FBXO24: variants seen among roughly 807,000 people sequenced by gnomAD.
The protein encoded by FBXO24 is F-box only protein 24.
FBXO24 carries 30 observed loss-of-function variants against 63.5 expected under a neutral mutation model. The ratio of observed to expected loss-of-function variants is 0.47; its 90% CI spans 0.35 to 0.64. FBXO24 has a LOEUF of 0.64. FBXO24 is among the 30% of genes least tolerant of loss of function. FBXO24 has a pLI of 0.00. For missense variants in FBXO24, 624 were observed against 763.4 expected (o/e 0.82, Z 2.15); for synonymous variants, 300 against 305.0 (o/e 0.98, Z 0.17).
chr7:100,589,801 G>A (rs1801913901), intron 1 of FBXO24, 176 bp from the exon 2 acceptor site: 1 of 1,520,898 alleles, frequency 6.6e-7, no homozygotes. Context: ...CGGGTGAGGG[G>A]GATTGGCCGC....
At chr7:100,592,584 T>G (rs1456935082) in intron 4 of FBXO24, among the ~76,000 whole-genome samples, 199 bp from the exon 5 acceptor site, 1 of 152,094 alleles carries the variant, frequency 6.6e-6, no homozygotes, top group East Asian at 1.9e-4. Flanking sequence ...TCACCACCTC[T>G]CTTTTGAGGA....
chr7:100,586,331 G>A lies in FBXO24; in HGVS notation c.-295G>A. 1.5e-6 allele frequency: 1 copy of A among 680,084 alleles called. No individual in the cohort carries two copies. The allele number at this position is 680,084 out of a possible 1,614,324, so 42.1% of individuals were successfully genotyped here. A position where few individuals can be genotyped will look rare whatever the true frequency, so the allele number is the denominator to read the frequency against. Reference sequence around the variant, plus strand: ...GAGAAGGGAGGGGAACAAGGATAGAGCGCTCGCCAACGGCCGACGCTCCAG... The same window carrying A: ...GAGAAGGGAGGGGAACAAGGATAGAACGCTCGCCAACGGCCGACGCTCCAG... On this transcript the variant is annotated 5_prime_UTR_variant, in exon 1 of 10. Transcript: ENST00000241071.
At position 100,590,259 on chromosome 7, in the gene FBXO24, G is replaced by C. The variant is rs750340000; in HGVS notation, c.224G>C (p.Gly75Ala). The C allele has an allele frequency of 6.2e-7, 1 of 1,614,158 alleles. No individual in the cohort carries two copies. Among genetic ancestry groups the C allele is most frequent in the South Asian group, 1.1e-5 (1 of 91,080 alleles). ...TCRYFHEVCD[G>A]EGVWRRICRR... Reference sequence around the variant, plus strand: ...CGCTACTTCCACGAAGTGTGCGATGGGGAAGGCGTGTGGAGACGCATCTGT... The same window carrying C: ...CGCTACTTCCACGAAGTGTGCGATGCGGAAGGCGTGTGGAGACGCATCTGT... Residue 75 changes from glycine to alanine, a missense_variant, in exon 3 of 10, where the codon GGG becomes GCG. Gly to Ala is a moderately conservative substitution (Grantham distance 60). This residue lies in a region of FBXO24 where 391 missense variants were observed against 469.1 expected (regional missense o/e 0.83). Coordinates refer to ENST00000241071, the MANE Select transcript of FBXO24 (RefSeq NM_033506.3).
rs1802547700 is a variant in FBXO24 at position 100,600,512 on chromosome 7, C to T, written c.1378-22C>T. 1 of 1,530,928 alleles carries T rather than the reference C, an allele frequency of 6.5e-7. No homozygotes were observed. Among genetic ancestry groups the T allele is most frequent in the African/African-American group, 1.4e-5 (1 of 72,162 alleles). The allele number at this position is 1,530,928 out of a possible 1,614,324, so 94.8% of individuals were successfully genotyped here. A position where few individuals can be genotyped will look rare whatever the true frequency, so the allele number is the denominator to read the frequency against. On this transcript the variant is annotated intron_variant, in intron 9 of 9. Transcript: ENST00000241071. The surrounding 1 kb of genome is among the most constrained non-coding windows in gnomAD (Gnocchi z 6.3). The stretch of plus-strand genomic sequence containing the variant: ...CAAGGAAAGCACCACTCAGCCATGC[C>T]CCCTTTCTCTCCTCCTCCAAGGTCC...
chr7:100,591,730 C>T lies in FBXO24; in HGVS notation c.386C>T (p.Ala129Val), dbSNP rs762993429. Residue 129 changes from alanine (A) to valine (V), a missense_variant, in exon 4 of 10, where the codon GCC (alanine) becomes GTC (valine). Ala to Val is a moderately conservative substitution (Grantham distance 64). Coordinates refer to ENST00000241071, the MANE Select transcript of FBXO24 (RefSeq NM_033506.3). ...GRRRCLSKSV[A>V]PLLAHGYRRF... is the part of the protein sequence containing the mutation. ...CGCCGATGTCTCAGCAAGAGCGTGGCCCCCTTGCTAGCCCACGGCTACCGC... is the reference window on the plus strand; with the variant it reads ...CGCCGATGTCTCAGCAAGAGCGTGGTCCCCTTGCTAGCCCACGGCTACCGC... The T allele has an allele frequency of 1.9e-6, 3 of 1,614,218 alleles. No individual in the cohort carries two copies. In the South Asian group the frequency reaches 3.3e-5, roughly 18 times the overall value.
In FBXO24 at chr7:100,595,207, T is replaced by C. The variant is rs1802247399; in HGVS notation, c.1058T>C (p.Leu353Pro). 1.9e-6 allele frequency: 3 copies of C among 1,614,098 alleles called. No homozygotes were observed. The highest frequency in any genetic ancestry group is 2.5e-6 in the Non-Finnish European group (3 of 1,179,986). The stretch of plus-strand genomic sequence containing the variant: ...CTGGACCAGCAGATGCCGCTTGCTC[T>C]CTCACTGCCTGCCAAGGTAGGCTCC... Reference protein sequence around the residue: ...DPLDQQMPLALSLPAKILFCA... With the variant: ...DPLDQQMPLAPSLPAKILFCA... Residue 353 changes from leucine (L) to proline (P), a missense_variant, in exon 7 of 10, where the codon CTC (leucine) becomes CCC (proline). Leu to Pro is a moderately conservative substitution (Grantham distance 98). Transcript: ENST00000241071.
At chr7:100,591,987 G>A in intron 4 of FBXO24, 85 bp downstream of exon 4, 5 of 1,365,318 alleles carry the variant, frequency 3.7e-6, no homozygotes, top group Non-Finnish European at 5.2e-6. Flanking sequence ...GAGGCCGGGT[G>A]CAGTGGCTTA....
intron 4 of FBXO24, 94 bp from the exon 5 acceptor site, chr7:100,592,689 C>A: frequency 1.0e-6 from 1 of 952,552 alleles, no homozygotes; most frequent in Non-Finnish European, 1.6e-6. Flanking sequence ...AACTCTGGAC[C>A]CAAGCATTTC....
chr7:100,592,342 G>T (rs1802071955), intron 4 of FBXO24: 1 of 244,644 alleles, frequency 4.1e-6, no homozygotes, highest in African/African-American at 2.3e-5. Context: ...GACTGGGGAG[G>T]CCTCAGGAAA....
intron 8 of FBXO24, 76 bp from the exon 9 acceptor site, chr7:100,599,955 C>T: frequency 6.7e-7 from 1 of 1,493,898 alleles, no homozygotes; most frequent in Non-Finnish European, 9.1e-7. Flanking sequence ...CCGAGCCTTC[C>T]AGTCAACCTT....
chr7:100,599,508 G>A (rs1802479182), intron 8 of FBXO24, among the ~76,000 whole-genome samples: 1 of 151,642 alleles, frequency 6.6e-6, no homozygotes, highest in Admixed American at 6.6e-5. Context: ...CAGGAAGGCA[G>A]AGGTTGCAGT....
chr7:100,590,679 G>A (rs1205250138), intron 3 of FBXO24, among the ~76,000 whole-genome samples: 4 of 152,150 alleles, frequency 2.6e-5, no homozygotes, highest in African/African-American at 7.2e-5. Flanking sequence ...ACTCACTGTT[G>A]ATATTCTGGG....
chr7:100,599,890 C>T, intron 8 of FBXO24, 141 bp from the exon 9 acceptor site: 1 of 920,166 alleles, frequency 1.1e-6, no homozygotes, highest in Non-Finnish European at 1.7e-6. Flanking sequence ...GCAGGGCAGA[C>T]CTGGGGCGTG....
Position 100,600,262 on chromosome 7 carries a change from C to A in FBXO24, c.1377+61C>A. 1 of 1,460,680 alleles carries A rather than the reference C, an allele frequency of 6.8e-7. No homozygotes were observed. The highest frequency in any genetic ancestry group is 9.1e-7 in the Non-Finnish European group (1 of 1,102,132). The allele number at this position is 1,460,680 out of a possible 1,614,324, so 90.5% of individuals were successfully genotyped here. On this transcript the variant is annotated intron_variant, in intron 9 of 9. Coordinates refer to ENST00000241071, the MANE Select transcript of FBXO24 (RefSeq NM_033506.3). This position sits in a 1 kb window ranked among gnomAD's most constrained non-coding sequence, Gnocchi z 6.3. ...GGATGAGAGCCATGAACCAGGAAGC[C>A]CACAGGCTGTAGCTGGGGCTCCTGC...
chr7:100,591,645 T>C, intron 3 of FBXO24, 22 bp from the exon 4 acceptor site: 1 of 1,610,282 alleles, frequency 6.2e-7, no homozygotes, highest in Non-Finnish European at 8.5e-7. Context: ...CCTTGAACCT[T>C]CCATCTCCTT....
At chr7:100,599,798 A>C in intron 8 of FBXO24, 2 of 532,364 alleles carry the variant, frequency 3.8e-6, no homozygotes, top group Non-Finnish European at 6.8e-6. Flanking sequence ...CAAGGAGCTG[A>C]TTTTCTGGGG....
chr7:100,590,641 T>A (rs1801971244), intron 3 of FBXO24, among the ~76,000 whole-genome samples: 1 of 152,102 alleles, frequency 6.6e-6, no homozygotes, highest in Non-Finnish European at 1.5e-5. Flanking sequence ...AACCTGGAGT[T>A]TTCCCTCCTC....
intron 1 of FBXO24, chr7:100,589,719 AG>A: frequency 6.5e-7 from 1 of 1,547,658 alleles, no homozygotes. Context: ...GGGGGCAATC[AG>A]GATGGTCAGG....
intron 1 of FBXO24, 47 bp downstream of exon 1, chr7:100,586,711 C>T: frequency 6.2e-7 from 1 of 1,609,844 alleles, no homozygotes. Context: ...CGCGGAGCCC[C>T]TGGCCGGCCG....
Sources: allele counts gnomAD v4.1 joint callset (sites outside exome capture counted in the v4.1 genomes callset), GRCh38; gene constraint gnomAD v4.1.1; regional missense constraint gnomAD v4.1.1; non-coding constraint Gnocchi (gnomAD v3.1); transcripts MANE v1.5; gene names NCBI Gene and HGNC (gene_info 2026-07-23, HGNC 2026-07-21).